ACTR3C: variants seen among roughly 807,000 people sequenced by gnomAD.
The protein encoded by ACTR3C is actin-related protein 3C.
Under a neutral mutation model 26.3 loss-of-function variants are expected in ACTR3C, and 18 were observed. The observed-to-expected ratio is 0.68, with a 90% confidence interval of 0.47 to 1.01. The LOEUF is 1.01. Among genes scored for constraint, ACTR3C ranks in the 50% least tolerant of loss-of-function variants. ACTR3C has a pLI of 0.00. For synonymous variants in ACTR3C, 55 were observed against 94.5 expected (o/e 0.58, Z 2.42); for missense variants, 184 against 250.7 (o/e 0.73, Z 1.80).
At chr7:150,280,361 C>T (rs1008704451) in intron 6 of ACTR3C, among the ~76,000 whole-genome samples, 1 of 152,164 alleles carries the variant, frequency 6.6e-6, no homozygotes, top group African/African-American at 2.4e-5. Context: ...TGTGTAAATA[C>T]CCTTCTCATC....
chr7:150,197,980 G>C, the ACTR3C span, among the ~76,000 whole-genome samples: 8 of 150,980 alleles, frequency 5.3e-5, no homozygotes, highest in African/African-American at 1.2e-4. Flanking sequence ...TCAGCCTGCC[G>C]AGTGCCTGTG....
At chr7:150,280,396 C>T (rs528343083) in intron 6 of ACTR3C, among the ~76,000 whole-genome samples, 119 of 152,300 alleles carry the variant, frequency 7.8e-4, no homozygotes, top group Non-Finnish European at 1.5e-3. Flanking sequence ...AAATAAAAAT[C>T]GGACAGATGA....
At chr7:150,038,052 G>C in the ACTR3C span, among the ~76,000 whole-genome samples, 1 of 140,622 alleles carries the variant, frequency 7.1e-6, no homozygotes, top group African/African-American at 2.7e-5. Flanking sequence ...GGGGAAGAGG[G>C]GTTGGCTCTG....
chr7:150,190,678 C>T, the ACTR3C span, among the ~76,000 whole-genome samples: 1 of 152,274 alleles, frequency 6.6e-6, no homozygotes, highest in East Asian at 1.9e-4. Flanking sequence ...TATTTCTGGA[C>T]TCTAATCTGT....
At chr7:150,182,413 T>A in the ACTR3C span, among the ~76,000 whole-genome samples, 1 of 150,968 alleles carries the variant, frequency 6.6e-6, no homozygotes, top group Non-Finnish European at 1.5e-5. Flanking sequence ...AACAGCTTAC[T>A]TTAAATTGTG....
rs551446169 is a variant in ACTR3C, at chr7:150,291,154, G to T, written c.154-1561C>A. ...TGTCTTAGAAAAAGAGCTTAGGCCG[G>T]GCATAGTGGCTCACGCCTGTAATCC... On this transcript the variant is annotated intron_variant, in intron 3 of 7. Transcript: ENST00000683684. 9.4e-4 allele frequency among the ~76,000 whole-genome samples: 143 copies of T among 152,294 alleles called. 1 individual carries two copies. The highest frequency in any genetic ancestry group is 7.3e-5 in the Non-Finnish European group (5 of 68,034).
At chr7:150,182,069 T>A in the ACTR3C span, among the ~76,000 whole-genome samples, 33 of 150,518 alleles carry the variant, frequency 2.2e-4, no homozygotes, top group Non-Finnish European at 4.4e-5. Flanking sequence ...TGGCAGTCCA[T>A]GATAACCAGC....
At chr7:149,988,184 G>A in the ACTR3C span, among the ~76,000 whole-genome samples, 1 of 152,350 alleles carries the variant, frequency 6.6e-6, no homozygotes, top group African/African-American at 2.4e-5. Flanking sequence ...TCCACCTTCT[G>A]GATTTGTCTG....
chr7:150,112,702 G>T, the ACTR3C span, among the ~76,000 whole-genome samples: 1 of 152,178 alleles, frequency 6.6e-6, no homozygotes, highest in African/African-American at 2.4e-5. Flanking sequence ...TAAGTTCACT[G>T]AGGCAATCCC....
At position 150,274,900 on chromosome 7, in the gene ACTR3C, C is replaced by T. The variant is rs533592987; in HGVS notation, c.564+9853G>A. On this transcript the variant is annotated intron_variant, in intron 6 of 7. Transcript: ENST00000683684. This position sits in a 1 kb window ranked among gnomAD's most constrained non-coding sequence, Gnocchi z 4.1. ...AGAAATCAGCAGATCTCCTGGATGA[C>T]GTTCTGGCGGTCAGCAGTCTTCTGG... 2.0e-5 allele frequency among the ~76,000 whole-genome samples: 3 copies of T among 152,342 alleles called. No homozygotes were observed. The highest frequency in any genetic ancestry group is 2.1e-4 in the South Asian group (1 of 4,832).
the ACTR3C span, among the ~76,000 whole-genome samples, chr7:149,903,381 G>A: frequency 2.6e-5 from 4 of 152,054 alleles, no homozygotes; most frequent in African/African-American, 9.7e-5. Flanking sequence ...GGTCAATAAA[G>A]GTTGCCGGAT....
chr7:150,262,395 A>G (rs1413084541), intron 6 of ACTR3C, among the ~76,000 whole-genome samples: 1 of 152,308 alleles, frequency 6.6e-6, no homozygotes, highest in Non-Finnish European at 1.5e-5. Flanking sequence ...AAATGTTGAA[A>G]ATAGAAATGT....
At chr7:150,219,962 C>G in the ACTR3C span, among the ~76,000 whole-genome samples, 1 of 146,340 alleles carries the variant, frequency 6.8e-6, no homozygotes, top group Admixed American at 6.6e-5. Context: ...CCAGCCCAGC[C>G]GCAAAGCAGG....
At chr7:150,191,001 A>G in the ACTR3C span, among the ~76,000 whole-genome samples, 2 of 152,196 alleles carry the variant, frequency 1.3e-5, no homozygotes, top group Admixed American at 6.5e-5. Context: ...ATTACCTCCC[A>G]CCAGGTCCCT....
chr7:149,933,779 T>A, the ACTR3C span, among the ~76,000 whole-genome samples: 2 of 152,114 alleles, frequency 1.3e-5, no homozygotes, highest in Non-Finnish European at 2.9e-5. Context: ...ACTCCAGGTG[T>A]AGAGTTCCAC....
At chr7:149,918,168 CT>C in the ACTR3C span, among the ~76,000 whole-genome samples, 11 of 151,152 alleles carry the variant, frequency 7.3e-5, no homozygotes, top group African/African-American at 2.2e-4. Context: ...CTTCTGAGTA[CT>C]TTTTTTTTCT....
chr7:150,276,133 T>C (rs550951875), intron 6 of ACTR3C, among the ~76,000 whole-genome samples: 3 of 152,162 alleles, frequency 2.0e-5, no homozygotes, highest in Non-Finnish European at 4.4e-5. Flanking sequence ...ACGTAACCCA[T>C]TCATCTCCTG....
chr7:150,042,494 T>A, the ACTR3C span, among the ~76,000 whole-genome samples: 1 of 141,712 alleles, frequency 7.1e-6, no homozygotes, highest in Non-Finnish European at 1.5e-5. Context: ...AGTCCCCGCC[T>A]CGCGGGGATT....
At chr7:150,037,705 TG>T in the ACTR3C span, among the ~76,000 whole-genome samples, 12 of 92,474 alleles carry the variant, frequency 1.3e-4, no homozygotes, top group South Asian at 3.8e-4. Context: ...GGATCAATGA[TG>T]GGGGGTCCTA....
Sources: allele counts gnomAD v4.1 joint callset (sites outside exome capture counted in the v4.1 genomes callset), GRCh38; gene constraint gnomAD v4.1.1; non-coding constraint Gnocchi (gnomAD v3.1); transcripts MANE v1.5; gene names NCBI Gene and HGNC (gene_info 2026-07-23, HGNC 2026-07-21).